Variants in BNC2 observed in about 807,000 individuals in gnomAD.
BNC2 encodes the protein basonuclin zinc finger protein 2, also known as zinc finger protein basonuclin-2.
In BNC2, 20 loss-of-function variants were observed where a neutral mutation model predicts 76.3. The ratio of observed to expected loss-of-function variants is 0.26; its 90% CI spans 0.18 to 0.38. The LOEUF is 0.38. BNC2 is among the 10% of genes least tolerant of loss of function. The probability of loss-of-function intolerance (pLI) is 1.00; values close to 1 mark genes in which losing one functional copy is unlikely to be tolerated. For synonymous variants in BNC2, 582 were observed against 514.8 expected (o/e 1.13, Z -1.77); for missense variants, 1,382 against 1,399.8 (o/e 0.99, Z 0.20).
At chr9:16,801,591 T>G (rs1817780685) in intron 1 of BNC2, among the ~76,000 whole-genome samples, 1 of 151,944 alleles carries the variant, frequency 6.6e-6, no homozygotes. Context: ...CAACTAAACC[T>G]CAAGTACTTA....
In BNC2 at chr9:16,791,073, T is replaced by G. The variant is rs567240654; in HGVS notation, c.4-52588A>C. Among the ~76,000 whole-genome samples, 8 of 152,082 alleles carry G rather than the reference T, an allele frequency of 5.3e-5. No homozygotes were observed. In the South Asian group the frequency reaches 1.7e-3, roughly 32 times the overall value. On this transcript the variant is annotated intron_variant, in intron 1 of 6. Transcript: ENST00000380672. ...TTTATACAATTATAGATTTTTTTTT[T>G]TCTTTTGAGATGGAGTCTCACACTG...
In BNC2 at chr9:16,412,918, G is replaced by A. The variant is rs570713010; in HGVS notation, c.*6071C>T. 6.5e-6 allele frequency: 1 copy of A among 152,802 alleles called. No individual in the cohort carries two copies. The highest frequency in any genetic ancestry group is 2.4e-5 in the African/African-American group (1 of 41,578). The allele number at this position is 152,802 out of a possible 1,614,324, so 9.5% of individuals were successfully genotyped here. ...TGCTGAACTGGAAAGCACACTATTA[G>A]TTTGTGTCCCTTCAGGGCCAGGGCA... On this transcript the variant is annotated 3_prime_UTR_variant, in exon 7 of 7. Coordinates refer to ENST00000380672, the MANE Select transcript of BNC2 (RefSeq NM_017637.6).
intron 2 of BNC2, among the ~76,000 whole-genome samples, chr9:16,731,969 T>C (rs1226355519): frequency 6.6e-6 from 1 of 152,052 alleles, no homozygotes; most frequent in African/African-American, 2.4e-5. Context: ...ACAAAAAATT[T>C]GCATTTCAGT....
intron 1 of BNC2, among the ~76,000 whole-genome samples, chr9:16,739,219 G>T (rs1824768653): frequency 6.6e-6 from 1 of 152,154 alleles, no homozygotes; most frequent in Non-Finnish European, 1.5e-5. Context: ...ACAAAGAGTT[G>T]CTATTTAGCC....
chr9:16,778,404 A>G (rs549828720), intron 1 of BNC2, among the ~76,000 whole-genome samples: 1 of 152,332 alleles, frequency 6.6e-6, no homozygotes, highest in African/African-American at 2.4e-5. Flanking sequence ...AAAAACCCCC[A>G]AACTACCAAC....
In BNC2 at chr9:16,430,880, T is replaced by G. The variant is rs1820895698; in HGVS notation, c.2639+4675A>C. Among the ~76,000 whole-genome samples, 3 of 152,350 alleles carry G rather than the reference T, an allele frequency of 2.0e-5. No homozygotes were observed. The South Asian group carries it at 6.2e-4, about 32-fold the overall frequency. Reference sequence around the variant, plus strand: ...AGCAATCGAATGGAAGGTTCACACTTGACACCAATGGTTACCTCATATTTA... The same window carrying G: ...AGCAATCGAATGGAAGGTTCACACTGGACACCAATGGTTACCTCATATTTA... On this transcript the variant is annotated intron_variant, in intron 6 of 6. Transcript: ENST00000380672.
rs750912788 is a variant in BNC2 at position 16,870,656 on chromosome 9, T to C, written c.-8A>G. On this transcript the variant is annotated 5_prime_UTR_variant, in exon 1 of 7. The change abolishes an upstream ATG in the 5' untranslated region. Coordinates refer to ENST00000380672, the MANE Select transcript of BNC2 (RefSeq NM_017637.6). The stretch of plus-strand genomic sequence containing the variant: ...GTGGAAACTTCTTACCATCTCGGCA[T>C]GCTGGTTGTCAAGTGCAGCCCCCGC... The C allele has an allele frequency of 1.7e-5, 28 of 1,610,902 alleles. No individual in the cohort carries two copies. Among genetic ancestry groups the C allele is most frequent in the Non-Finnish European group, 2.3e-5 (27 of 1,178,578 alleles).
intron 1 of BNC2, among the ~76,000 whole-genome samples, chr9:16,845,064 A>T (rs980311366): frequency 1.3e-5 from 2 of 152,146 alleles, no homozygotes; most frequent in African/African-American, 4.8e-5. Context: ...ACCTGTCAGT[A>T]CTTCACAGCG....
rs202052962 is a variant in BNC2 at position 16,476,567 on chromosome 9, TTA to T, written c.670-39045_670-39044del. Among the ~76,000 whole-genome samples the T allele has an allele frequency of 4.4e-3, 646 of 147,398 alleles. 3 individuals carry two copies. The highest frequency in any genetic ancestry group is 7.0e-3 in the Non-Finnish European group (468 of 66,608). ...AACCCGTGTGTGTGTGTTGTTTTTT[TTA>T]AAAAAAAAAAAAAACTCTGGCAGTT... On this transcript the variant is annotated intron_variant, in intron 5 of 6. Coordinates refer to ENST00000380672, the MANE Select transcript of BNC2 (RefSeq NM_017637.6).
At chr9:16,469,716 C>T (rs1028595180) in intron 5 of BNC2, among the ~76,000 whole-genome samples, 1 of 152,170 alleles carries the variant, frequency 6.6e-6, no homozygotes, top group Admixed American at 6.5e-5. Context: ...AAGTTTGGAA[C>T]TTCCTAGAGA....
At chr9:16,506,583 T>A (rs1316933156) in intron 5 of BNC2, among the ~76,000 whole-genome samples, 1 of 135,106 alleles carries the variant, frequency 7.4e-6, no homozygotes, top group Non-Finnish European at 1.5e-5. Flanking sequence ...TGGAATGCAA[T>A]GGTGCAATCT....
chr9:16,656,785 T>C (rs924645989), intron 3 of BNC2, among the ~76,000 whole-genome samples: 1 of 152,224 alleles, frequency 6.6e-6, no homozygotes, highest in African/African-American at 2.4e-5. Context: ...TCTCTGGGAC[T>C]TATTCATCTT....
intron 3 of BNC2, among the ~76,000 whole-genome samples, chr9:16,596,248 G>A (rs1335692262): frequency 3.3e-5 from 5 of 152,094 alleles, no homozygotes; most frequent in Non-Finnish European, 5.9e-5. Flanking sequence ...TCTTGGGGCA[G>A]GGGAGATCAA....
chr9:16,471,193 T>C (rs984732391), intron 5 of BNC2, among the ~76,000 whole-genome samples: 1 of 152,182 alleles, frequency 6.6e-6, no homozygotes, highest in Admixed American at 6.5e-5. Flanking sequence ...ATGAACCCTG[T>C]AACCCCTCTG....
At chr9:16,794,931 A>G (rs190094467) in intron 1 of BNC2, among the ~76,000 whole-genome samples, 1 of 152,090 alleles carries the variant, frequency 6.6e-6, no homozygotes, top group African/African-American at 2.4e-5. Flanking sequence ...ATATATTCCT[A>G]TATTTGGGCC....
intron 4 of BNC2, among the ~76,000 whole-genome samples, chr9:16,565,746 T>G (rs1819147803): frequency 6.6e-6 from 1 of 151,066 alleles, no homozygotes; most frequent in Non-Finnish European, 1.5e-5. Flanking sequence ...AGGTCGAGGC[T>G]GCAGTGAGCC....
intron 5 of BNC2, among the ~76,000 whole-genome samples, chr9:16,482,038 T>A (rs1228493228): frequency 1.3e-5 from 2 of 152,184 alleles, no homozygotes; most frequent in East Asian, 3.9e-4. Flanking sequence ...CAAACACATA[T>A]AAAAACCTTA....
rs113303650 is a variant in BNC2 at position 16,862,249 on chromosome 9, A to G, written c.3+8397T>C. The stretch of plus-strand genomic sequence containing the variant: ...AGGGCCACATTACTCAAAAAGTGTA[A>G]ACAACCCAAATGTGCTTTCATTGAA... On this transcript the variant is annotated intron_variant, in intron 1 of 6. Coordinates refer to ENST00000380672, the MANE Select transcript of BNC2 (RefSeq NM_017637.6). Among the ~76,000 whole-genome samples, 779 of 152,332 alleles carry G rather than the reference A, an allele frequency of 5.1e-3. 2 individuals are homozygous for G. Among genetic ancestry groups the G allele is most frequent in the Non-Finnish European group, 7.7e-3 (522 of 68,032 alleles).
intron 5 of BNC2, among the ~76,000 whole-genome samples, chr9:16,524,305 G>T (rs1242428825): frequency 6.6e-6 from 1 of 152,132 alleles, no homozygotes; most frequent in East Asian, 1.9e-4. Context: ...AGAGTGAATG[G>T]GGCTTCAGCT....
Sources: gnomAD v4.1 joint callset for allele counts (sites outside exome capture counted in the v4.1 genomes callset) on GRCh38, gnomAD v4.1.1 for gene constraint, MANE v1.5 for transcripts, NCBI Gene and HGNC (gene_info 2026-07-23, HGNC 2026-07-21) for gene names.